The following PID1 variants were observed in gnomAD, a reference collection of about 807,000 sequenced individuals.
The protein encoded by PID1 is PTB-containing, cubilin and LRP1-interacting protein.
PID1 carries 10 observed loss-of-function variants against 19.1 expected under a neutral mutation model. The observed-to-expected ratio is 0.52, with a 90% confidence interval of 0.32 to 0.89. PID1 has a LOEUF of 0.89. PID1 is among the 40% of genes least tolerant of loss of function. The pLI is 0.03. For synonymous variants in PID1, 130 were observed against 116.0 expected (o/e 1.12, Z -0.78); for missense variants, 248 against 285.3 (o/e 0.87, Z 0.94).
intron 2 of PID1, among the ~76,000 whole-genome samples, chr2:229,108,562 C>T (rs1389509305): frequency 6.6e-6 from 1 of 152,112 alleles, no homozygotes; most frequent in Non-Finnish European, 1.5e-5. Context: ...GATATGGTGT[C>T]TATGCAAAGT....
intron 1 of PID1, among the ~76,000 whole-genome samples, chr2:229,212,734 A>G (rs1196899668): frequency 6.6e-6 from 1 of 152,160 alleles, no homozygotes; most frequent in African/African-American, 2.4e-5. Context: ...GTAGTTAATA[A>G]TTAAGTAATA....
At chr2:229,037,975 C>G (rs1047916535) in intron 2 of PID1, among the ~76,000 whole-genome samples, 1 of 152,162 alleles carries the variant, frequency 6.6e-6, no homozygotes, top group Non-Finnish European at 1.5e-5. Context: ...CCTTGTAGCA[C>G]TTTATCAATT....
chr2:229,153,925 G>C (rs960981797), intron 2 of PID1, among the ~76,000 whole-genome samples: 19 of 152,082 alleles, frequency 1.2e-4, no homozygotes, highest in Admixed American at 1.1e-3. Flanking sequence ...TTTCCTCATA[G>C]GAACAGAAAT....
At position 229,167,689 on chromosome 2, in the gene PID1, C is replaced by G. The variant is rs187742086; in HGVS notation, c.31-11725G>C. 1.7e-3 allele frequency among the ~76,000 whole-genome samples: 259 copies of G among 152,216 alleles called. 2 individuals are homozygous for G. Among genetic ancestry groups the G allele is most frequent in the African/African-American group, 5.9e-3 (244 of 41,560 alleles). On this transcript the variant is annotated intron_variant, in intron 1 of 2. Coordinates refer to ENST00000392055, the MANE Select transcript of PID1 (RefSeq NM_001100818.2). ...GTGGAACAACTGATAAAATATGAATCAGGTCCTAAAATTACAAAATAGTAT... is the reference window on the plus strand; with the variant it reads ...GTGGAACAACTGATAAAATATGAATGAGGTCCTAAAATTACAAAATAGTAT...
At chr2:229,245,146 A>G (rs1464500447) in intron 1 of PID1, 1 of 151,988 alleles carries the variant, frequency 6.6e-6, no homozygotes, top group Non-Finnish European at 1.5e-5. Context: ...ACACTCTTAA[A>G]AGCCCACCTG....
chr2:229,125,744 C>T (rs1574648985), intron 2 of PID1, among the ~76,000 whole-genome samples: 1 of 152,188 alleles, frequency 6.6e-6, no homozygotes, highest in Admixed American at 6.5e-5. Context: ...TAATATGGAA[C>T]ATTGCATGTT....
intron 2 of PID1, among the ~76,000 whole-genome samples, chr2:229,100,008 C>T (rs1028199802): frequency 3.3e-5 from 5 of 152,128 alleles, no homozygotes; most frequent in Admixed American, 3.3e-4. Context: ...TGATGGGGGA[C>T]AAGTGCCCTT....
chr2:229,187,295 G>A (rs1449833854), intron 1 of PID1, among the ~76,000 whole-genome samples: 4 of 151,982 alleles, frequency 2.6e-5, no homozygotes, highest in Non-Finnish European at 5.9e-5. Context: ...CCCACTCCTG[G>A]TACCAATTTA....
At chr2:229,032,043 T>A (rs530289979) in intron 2 of PID1, among the ~76,000 whole-genome samples, 93 of 152,214 alleles carry the variant, frequency 6.1e-4, no homozygotes, top group Admixed American at 1.8e-3. Flanking sequence ...AGTAAAAACT[T>A]AAAAAAATTA....
chr2:229,120,970 T>C (rs1490475266), intron 2 of PID1, among the ~76,000 whole-genome samples: 4 of 152,112 alleles, frequency 2.6e-5, no homozygotes, highest in Non-Finnish European at 5.9e-5. Flanking sequence ...CATATGATGC[T>C]ACACAAAAGC....
intron 2 of PID1, among the ~76,000 whole-genome samples, chr2:229,125,681 A>T (rs1308882842): frequency 2.6e-5 from 4 of 152,226 alleles, no homozygotes; most frequent in Non-Finnish European, 5.9e-5. Context: ...CAAATAAAAT[A>T]AAAGATGAGG....
At chr2:229,265,077 A>G (rs1487337677) in intron 1 of PID1, among the ~76,000 whole-genome samples, 3 of 152,266 alleles carry the variant, frequency 2.0e-5, no homozygotes, top group Non-Finnish European at 2.9e-5. Flanking sequence ...ACAAAACTGA[A>G]ACATTGCTAG....
At chr2:229,229,257 G>T (rs1264400767) in intron 1 of PID1, among the ~76,000 whole-genome samples, 2 of 152,126 alleles carry the variant, frequency 1.3e-5, no homozygotes, top group African/African-American at 4.8e-5. Flanking sequence ...TCAGAATGTT[G>T]CCAGCAACCT....
At chr2:229,229,233 AG>A (rs1488691192) in intron 1 of PID1, among the ~76,000 whole-genome samples, 1 of 152,194 alleles carries the variant, frequency 6.6e-6, no homozygotes, top group Admixed American at 6.5e-5. Context: ...TTTCTCCAGC[AG>A]TACCACCTTC....
intron 2 of PID1, among the ~76,000 whole-genome samples, chr2:229,040,358 T>C (rs1485526310): frequency 1.3e-5 from 2 of 151,694 alleles, no homozygotes; most frequent in Non-Finnish European, 2.9e-5. Flanking sequence ...GTAAAAAAAA[T>C]TGTTTTGTGT....
chr2:229,182,781 G>T (rs890380715), intron 1 of PID1, among the ~76,000 whole-genome samples: 1 of 152,142 alleles, frequency 6.6e-6, no homozygotes, highest in Non-Finnish European at 1.5e-5. Flanking sequence ...TCAAGTTGTG[G>T]ATCTATGCCC....
chr2:229,082,895 A>T (rs1391267914), intron 2 of PID1, among the ~76,000 whole-genome samples: 1 of 151,912 alleles, frequency 6.6e-6, no homozygotes, highest in Non-Finnish European at 1.5e-5. Flanking sequence ...TGTCATTTTA[A>T]GCTGAAAAAG....
At chr2:229,029,580 C>T (rs577924847) in intron 2 of PID1, among the ~76,000 whole-genome samples, 4 of 152,146 alleles carry the variant, frequency 2.6e-5, no homozygotes, top group East Asian at 1.9e-4. Flanking sequence ...CAGTGGCTCA[C>T]GCTTGTAATC....
chr2:229,163,124 A>T (rs981768701), intron 1 of PID1, among the ~76,000 whole-genome samples: 1 of 152,172 alleles, frequency 6.6e-6, no homozygotes. Flanking sequence ...AACATTTTTC[A>T]TGCTAAGAGT....
Sources: allele counts gnomAD v4.1 joint callset (sites outside exome capture counted in the v4.1 genomes callset), GRCh38; gene constraint gnomAD v4.1.1; transcripts MANE v1.5; gene names NCBI Gene and HGNC (gene_info 2026-07-23, HGNC 2026-07-21).